Variants in INPP4B observed in about 807,000 individuals in gnomAD.
The protein encoded by INPP4B is inositol polyphosphate-4-phosphatase type II B.
A neutral mutation model predicts 122.5 loss-of-function variants in INPP4B; 55 were observed. The observed-to-expected ratio is 0.45, with a 90% CI of 0.36 to 0.56. The LOEUF is 0.56. INPP4B is among the 20% of genes least tolerant of loss of function. The probability of loss-of-function intolerance (pLI) is 0.00; values close to 1 mark genes in which losing one functional copy is unlikely to be tolerated. For synonymous variants in INPP4B, 403 were observed against 388.7 expected (o/e 1.04, Z -0.43); for missense variants, 1,000 against 1,097.7 (o/e 0.91, Z 1.26).
chr4:142,170,956 T>C (rs1825344691), intron 16 of INPP4B, among the ~76,000 whole-genome samples: 1 of 151,798 alleles, frequency 6.6e-6, no homozygotes, highest in Non-Finnish European at 1.5e-5. Flanking sequence ...TCAGTAGCAG[T>C]AGAGATGATG....
At chr4:142,115,614 G>C (rs976455271) in intron 21 of INPP4B, among the ~76,000 whole-genome samples, 1 of 152,168 alleles carries the variant, frequency 6.6e-6, no homozygotes, top group African/African-American at 2.4e-5. Flanking sequence ...CAAATACTGA[G>C]AGATTTTGTC....
chr4:142,180,590 A>C (rs1830347216), intron 15 of INPP4B, among the ~76,000 whole-genome samples: 1 of 152,178 alleles, frequency 6.6e-6, no homozygotes, highest in East Asian at 1.9e-4. Context: ...TTAATTCAAG[A>C]TGTAGAAATT....
intron 12 of INPP4B, among the ~76,000 whole-genome samples, chr4:142,235,856 G>A (rs1856491395): frequency 1.3e-5 from 2 of 152,126 alleles, no homozygotes; most frequent in East Asian, 3.8e-4. Context: ...TATATGATGT[G>A]TAAATCACAG....
chr4:142,611,244 A>G (rs1742425848), intron 2 of INPP4B, among the ~76,000 whole-genome samples: 1 of 152,168 alleles, frequency 6.6e-6, no homozygotes, highest in South Asian at 2.1e-4. Context: ...AACAGCACCA[A>G]GGGATGGTGC....
chr4:142,214,891 C>T (rs1424722893), intron 12 of INPP4B, among the ~76,000 whole-genome samples: 1 of 152,142 alleles, frequency 6.6e-6, no homozygotes, highest in Non-Finnish European at 1.5e-5. Flanking sequence ...TGAAAAAAGA[C>T]CTTTATTGTG....
In INPP4B at chr4:142,783,748, C is replaced by G. The variant is rs532889567; in HGVS notation, c.-253-57847G>C. Reference sequence around the variant, plus strand: ...GAGAGTGTAATGACACTTCATGTAGCGTATTACTTGCTTCTCCCAATCCTT... The same window carrying G: ...GAGAGTGTAATGACACTTCATGTAGGGTATTACTTGCTTCTCCCAATCCTT... On this transcript the variant is annotated intron_variant, in intron 1 of 25. Coordinates refer to ENST00000262992, the MANE Select transcript of INPP4B (RefSeq NM_001101669.3). Among the ~76,000 whole-genome samples, 64 of 152,118 alleles carry G rather than the reference C, an allele frequency of 4.2e-4. No homozygotes were observed. The South Asian group carries it at 0.013, about 31-fold the overall frequency.
chr4:142,145,623 GA>G (rs922877569), intron 18 of INPP4B, among the ~76,000 whole-genome samples: 25 of 146,150 alleles, frequency 1.7e-4, no homozygotes, highest in Admixed American at 8.2e-4. Flanking sequence ...GGTAAGATAA[GA>G]AAAAAAAAAG....
chr4:142,784,636 T>C (rs1357100599), intron 1 of INPP4B, among the ~76,000 whole-genome samples: 2 of 152,054 alleles, frequency 1.3e-5, no homozygotes, highest in East Asian at 1.9e-4. Context: ...GAGAAACTCC[T>C]GGAGACCAAA....
chr4:142,067,266 C>T (rs1764038156), intron 25 of INPP4B, among the ~76,000 whole-genome samples: 1 of 152,216 alleles, frequency 6.6e-6, no homozygotes, highest in East Asian at 1.9e-4. Context: ...AGGGTCCTGA[C>T]TGTTAGAAGG....
At chr4:142,062,713 A>G (rs1761622649) in intron 25 of INPP4B, among the ~76,000 whole-genome samples, 1 of 151,838 alleles carries the variant, frequency 6.6e-6, no homozygotes, top group Non-Finnish European at 1.5e-5. Flanking sequence ...TCCAGCCTGG[A>G]TGACACAGCA....
At chr4:142,743,220 A>G (rs1175022002) in intron 1 of INPP4B, among the ~76,000 whole-genome samples, 1 of 152,034 alleles carries the variant, frequency 6.6e-6, no homozygotes, top group East Asian at 1.9e-4. Context: ...GGAAAGCTCC[A>G]TAATAGTCCC....
chr4:142,023,235 A>C lies in INPP4B; in HGVS notation c.*5547T>G, dbSNP rs1190036066. 4 of 152,196 alleles carry C rather than the reference A, an allele frequency of 2.6e-5. No homozygotes were observed. Among genetic ancestry groups the C allele is most frequent in the Non-Finnish European group, 5.9e-5 (4 of 68,024 alleles). The allele number at this position is 152,196 out of a possible 1,614,324, so 9.4% of individuals were successfully genotyped here. A position where few individuals can be genotyped will look rare whatever the true frequency, so the allele number is the denominator to read the frequency against. On this transcript the variant is annotated 3_prime_UTR_variant, in exon 26 of 26. Coordinates refer to ENST00000262992, the MANE Select transcript of INPP4B (RefSeq NM_001101669.3). ...TGAATATGGTTTACACAGAACAATAAAACAAAAATGATATCTCTTAAATGC... is the reference window on the plus strand; with the variant it reads ...TGAATATGGTTTACACAGAACAATACAACAAAAATGATATCTCTTAAATGC...
At chr4:142,188,429 G>A (rs1834120549) in intron 15 of INPP4B, among the ~76,000 whole-genome samples, 1 of 132,740 alleles carries the variant, frequency 7.5e-6, no homozygotes, top group Admixed American at 9.0e-5. Flanking sequence ...AGAGCTTGCA[G>A]TGAGCGAAGA....
intron 7 of INPP4B, among the ~76,000 whole-genome samples, chr4:142,362,091 C>T (rs115878839): frequency 0.011 from 1,675 of 152,012 alleles, 41 homozygotes; most frequent in African/African-American, 0.038. Flanking sequence ...AGAGAGATCC[C>T]TATGAACTGG....
Position 142,549,091 on chromosome 4 carries a change from C to T in INPP4B, c.-190-86365G>A, listed in dbSNP as rs867400896. Among the ~76,000 whole-genome samples, 12 of 152,186 alleles carry T rather than the reference C, an allele frequency of 7.9e-5. No homozygotes were observed. In the East Asian group the frequency reaches 9.7e-4, roughly 12 times the overall value. On this transcript the variant is annotated intron_variant, in intron 2 of 25. Coordinates refer to ENST00000262992, the MANE Select transcript of INPP4B (RefSeq NM_001101669.3). Reference sequence around the variant, plus strand: ...AGAAGAGTGATGTGATTTAATTAAGCGGACACAACAGTTATCTACCCCAGG... The same window carrying T: ...AGAAGAGTGATGTGATTTAATTAAGTGGACACAACAGTTATCTACCCCAGG...
intron 1 of INPP4B, among the ~76,000 whole-genome samples, chr4:142,781,516 C>A (rs902656391): frequency 2.0e-5 from 3 of 152,128 alleles, no homozygotes; most frequent in Non-Finnish European, 4.4e-5. Context: ...TTCCTGCCAC[C>A]AGAAACATTC....
At chr4:142,119,732 A>G (rs1795626095) in intron 21 of INPP4B, among the ~76,000 whole-genome samples, 1 of 151,814 alleles carries the variant, frequency 6.6e-6, no homozygotes. Flanking sequence ...CCAACATGGC[A>G]GATGTATACA....
At chr4:142,643,109 C>T (rs765647376) in intron 2 of INPP4B, among the ~76,000 whole-genome samples, 8 of 152,102 alleles carry the variant, frequency 5.3e-5, no homozygotes, top group Non-Finnish European at 1.0e-4. Flanking sequence ...GATTTTTGCA[C>T]GTTGATTTTG....
rs555781296 is a variant in INPP4B at position 142,211,813 on chromosome 4, C to A, written c.837-2787G>T. ...TTGTGTAGCCACTGGAGAAACAATA[C>A]TCTAATGGAGATAGAACTTTCCTGG... On this transcript the variant is annotated intron_variant, in intron 12 of 25. Transcript: ENST00000262992. Among the ~76,000 whole-genome samples the A allele has an allele frequency of 3.9e-5, 6 of 152,274 alleles. No individual in the cohort carries two copies. The South Asian group carries it at 1.0e-3, about 26-fold the overall frequency.
Sources: allele counts gnomAD v4.1 joint callset (sites outside exome capture counted in the v4.1 genomes callset), GRCh38; gene constraint gnomAD v4.1.1; transcripts MANE v1.5; gene names NCBI Gene and HGNC (gene_info 2026-07-23, HGNC 2026-07-21).